Variants in MIS18BP1 observed in about 807,000 individuals in gnomAD.
MIS18BP1 encodes mis18-binding protein 1.
Under a neutral mutation model 116.1 loss-of-function variants are expected in MIS18BP1, and 72 were observed. The observed-to-expected ratio is 0.62, with a 90% CI of 0.51 to 0.75. MIS18BP1 has a LOEUF of 0.75. Ranked by LOEUF, MIS18BP1 falls within the 30% of genes least tolerant of loss-of-function variation. MIS18BP1 has a pLI of 0.00. For synonymous variants in MIS18BP1, 386 were observed against 427.0 expected (o/e 0.90, Z 1.18); for missense variants, 1,363 against 1,303.2 (o/e 1.05, Z -0.71).
chr14:45,236,850 A>G (rs1368419186), intron 5 of MIS18BP1, among the ~76,000 whole-genome samples: 1 of 152,162 alleles, frequency 6.6e-6, no homozygotes, highest in African/African-American at 2.4e-5. Flanking sequence ...TGTCCAGGTA[A>G]TACAGATAGT....
chr14:45,204,384 C>A lies in MIS18BP1; in HGVS notation c.3295+15G>T. ...AATAGAACTGAGCCACAAAAGAAAG[C>A]TGTAAGTGTATTACCTGTGTTAAAT... On this transcript the variant is annotated intron_variant, in intron 16 of 16. Transcript: ENST00000310806. The A allele has an allele frequency of 4.4e-6, 7 of 1,597,574 alleles. No homozygotes were observed. Among genetic ancestry groups the A allele is most frequent in the Non-Finnish European group, 6.0e-6 (7 of 1,173,822 alleles).
At chr14:45,220,242 C>T (rs548631935) in intron 11 of MIS18BP1, among the ~76,000 whole-genome samples, 1 of 152,246 alleles carries the variant, frequency 6.6e-6, no homozygotes, top group South Asian at 2.1e-4. Context: ...GCACTACAGG[C>T]ACATACCCCA....
chr14:45,230,549 A>G (rs1165594510), intron 8 of MIS18BP1, among the ~76,000 whole-genome samples: 2 of 152,188 alleles, frequency 1.3e-5, no homozygotes, highest in Non-Finnish European at 2.9e-5. Flanking sequence ...AAGGAAATTA[A>G]AAGAACAATC....
intron 1 of MIS18BP1, among the ~76,000 whole-genome samples, chr14:45,248,232 T>C (rs1319120580): frequency 1.3e-5 from 2 of 151,874 alleles, no homozygotes; most frequent in African/African-American, 4.8e-5. Context: ...CACACCCGGC[T>C]AATTTTGTAT....
chr14:45,247,666 T>A (rs1594530231), intron 1 of MIS18BP1, among the ~76,000 whole-genome samples: 1 of 151,918 alleles, frequency 6.6e-6, no homozygotes, highest in Non-Finnish European at 1.5e-5. Context: ...TGCCACTGCA[T>A]TCCAGCCTGG....
At chr14:45,238,351 ACTT>A (rs906165593) in intron 4 of MIS18BP1, among the ~76,000 whole-genome samples, 2 of 152,220 alleles carry the variant, frequency 1.3e-5, no homozygotes, top group Non-Finnish European at 2.9e-5. Flanking sequence ...AGATTGAACT[ACTT>A]CTGATGAGAA....
At position 45,210,359 on chromosome 14, in the gene MIS18BP1, A is replaced by C. The variant is rs143344810; in HGVS notation, c.3152+21T>G. ...CTACTCTGATGCAGAGAATTAACAT[A>C]TCATATGCATGAATATTTACCTATT... On this transcript the variant is annotated intron_variant, in intron 14 of 16. Transcript: ENST00000310806. The C allele has an allele frequency of 1.7e-3, 2,790 of 1,609,446 alleles. 39 individuals are homozygous for C. In the Admixed American group the frequency reaches 0.029, roughly 17 times the overall value.
At position 45,223,935 on chromosome 14, in the gene MIS18BP1, C is replaced by G; in HGVS notation, c.2652G>C (p.Glu884Asp). 2 of 1,580,824 alleles carry G rather than the reference C, an allele frequency of 1.3e-6. No individual in the cohort carries two copies. The highest frequency in any genetic ancestry group is 1.7e-6 in the Non-Finnish European group (2 of 1,169,124). The stretch of plus-strand genomic sequence containing the variant: ...CTACTTACCAATGAAGTTTCTGTAA[C>G]TCCTTCTCATTCCATTCCTTATCCT... The part of the protein sequence containing the change: ...LIQDKEWNEK[E>D]LQKLHCAFAS... Residue 884 changes from glutamate to aspartate, a missense_variant, in exon 11 of 17, where the codon GAG becomes GAC. Coordinates refer to ENST00000310806, the MANE Select transcript of MIS18BP1 (RefSeq NM_018353.5).
Position 45,218,501 on chromosome 14 carries a change from G to A in MIS18BP1, c.2670-47C>T, listed in dbSNP as rs147350610. 180 of 1,510,572 alleles carry A rather than the reference G, an allele frequency of 1.2e-4. No individual in the cohort carries two copies. The African/African-American group carries it at 2.0e-3, about 17-fold the overall frequency. 93.6% of individuals were successfully genotyped at this position (1,510,572 alleles called of 1,614,324 possible). A position where few individuals can be genotyped will look rare whatever the true frequency, so the allele number is the denominator to read the frequency against. ...TAAAGAATAAGAAATTCAAACCAAT[G>A]ACAATAACCTCTTAAAAGCATAACA... is the stretch of plus-strand genomic sequence containing the variant. On this transcript the variant is annotated intron_variant, in intron 11 of 16. Coordinates refer to ENST00000310806, the MANE Select transcript of MIS18BP1 (RefSeq NM_018353.5).
At position 45,247,035 on chromosome 14, in the gene MIS18BP1, A is replaced by G; in HGVS notation, c.252T>C (p.Thr84=). ...IFQSTMLTEA[T]TSNSSLDISA... is the part of the protein sequence containing the mutation. Reference sequence around the variant, plus strand: ...TGATATCAAGAGAACTGTTAGAGGTAGTAGCCTCTGTTAGCATAGTTGATT... The same window carrying G: ...TGATATCAAGAGAACTGTTAGAGGTGGTAGCCTCTGTTAGCATAGTTGATT... Residue 84 remains threonine (T), a synonymous_variant, in exon 2 of 17, where the codon ACT becomes ACC. Transcript: ENST00000310806. 1 of 1,613,306 alleles carries G rather than the reference A, an allele frequency of 6.2e-7. No individual in the cohort carries two copies. The highest frequency in any genetic ancestry group is 8.5e-7 in the Non-Finnish European group (1 of 1,179,702).
In MIS18BP1 at chr14:45,224,528, G is replaced by A; in HGVS notation, c.2059C>T (p.Gln687Ter). The A allele has an allele frequency of 6.2e-7, 1 of 1,608,842 alleles. No individual in the cohort carries two copies. The highest frequency in any genetic ancestry group is 8.5e-7 in the Non-Finnish European group (1 of 1,178,620). Reference protein sequence around the residue: ...AVTDFVIPECQKKSPISKSMG... With the variant: ...AVTDFVIPEC ...GACTTGCTGATGGGACTTTTTTTTT[G>A]ACACTCTGGTATTACAAAATCTGTT... The change falls in exon 11 of 17, where the codon CAA becomes TAA. Residue 687 changes from glutamine (Q) to a stop codon, truncating the protein, a stop_gained. Transcript: ENST00000310806. LOFTEE classifies it high-confidence loss of function.
At chr14:45,236,396 G>A (rs1202270553) in intron 5 of MIS18BP1, among the ~76,000 whole-genome samples, 1 of 151,980 alleles carries the variant, frequency 6.6e-6, no homozygotes, top group Non-Finnish European at 1.5e-5. Context: ...CTTTCATTTT[G>A]GAAGGTACCA....
At chr14:45,218,241 C>T (rs1233053895) in intron 12 of MIS18BP1, 41 bp downstream of exon 12, 1 of 1,574,278 alleles carries the variant, frequency 6.4e-7, no homozygotes, top group Non-Finnish European at 8.7e-7. Context: ...CAGAAATCAA[C>T]ACTGAGTACT....
At chr14:45,245,899 G>A (rs1024558349) in intron 2 of MIS18BP1, among the ~76,000 whole-genome samples, 1 of 152,006 alleles carries the variant, frequency 6.6e-6, no homozygotes, top group Non-Finnish European at 1.5e-5. Context: ...TTTAATAGAG[G>A]TTATCAAAAT....
intron 13 of MIS18BP1, among the ~76,000 whole-genome samples, chr14:45,216,375 A>G (rs563971363): frequency 6.6e-5 from 10 of 152,324 alleles, no homozygotes; most frequent in African/African-American, 1.9e-4. Flanking sequence ...AAAAGATTCT[A>G]TAATTCAGAA....
At chr14:45,204,347 AACCT>A in intron 16 of MIS18BP1, 48 bp downstream of exon 16, 1 of 1,561,684 alleles carries the variant, frequency 6.4e-7, no homozygotes, top group Non-Finnish European at 8.7e-7. Context: ...TTAAATAAAG[AACCT>A]ACCTTATAAT....
rs1566820180 is a variant in MIS18BP1, at chr14:45,242,020, A to C, written c.1143+14T>G. ...AAAAATAGAAATAAATATCTGTCTT[A>C]AAAGTTTTCCCACCTGATTTTTTTT... On this transcript the variant is annotated intron_variant, in intron 4 of 16. Transcript: ENST00000310806. 3.8e-6 allele frequency: 6 copies of C among 1,586,532 alleles called. No individual in the cohort carries two copies. Among genetic ancestry groups the C allele is most frequent in the Non-Finnish European group, 5.1e-6 (6 of 1,168,292 alleles).
At chr14:45,220,031 T>C (rs1890930924) in intron 11 of MIS18BP1, among the ~76,000 whole-genome samples, 1 of 152,188 alleles carries the variant, frequency 6.6e-6, no homozygotes, top group African/African-American at 2.4e-5. Flanking sequence ...CCCAACTCTC[T>C]AGTCTCATCT....
intron 4 of MIS18BP1, 69 bp downstream of exon 4, chr14:45,241,965 T>G (rs1220726974): frequency 6.8e-7 from 1 of 1,475,190 alleles, no homozygotes; most frequent in Non-Finnish European, 9.1e-7. Context: ...TGAGAGAACA[T>G]TAAAAGCTCA....
Sources: allele counts gnomAD v4.1 joint callset (sites outside exome capture counted in the v4.1 genomes callset), GRCh38; gene constraint gnomAD v4.1.1; transcripts MANE v1.5; gene names NCBI Gene and HGNC (gene_info 2026-07-23, HGNC 2026-07-21).